The following CASZ1 variants were observed in gnomAD, a reference collection of about 807,000 sequenced individuals.
CASZ1 encodes zinc finger protein castor homolog 1.
A neutral mutation model predicts 135.2 loss-of-function variants in CASZ1; 28 were observed. The ratio of observed to expected loss-of-function variants is 0.21; its 90% CI spans 0.15 to 0.28. The LOEUF is 0.28. Ranked by LOEUF, CASZ1 falls within the 10% of genes least tolerant of loss-of-function variation. CASZ1 has a pLI of 1.00. For missense variants in CASZ1, 2,161 were observed against 2,453.3 expected (o/e 0.88, Z 2.52); for synonymous variants, 1,068 against 1,073.4 (o/e 0.99, Z 0.10).
chr1:10,683,116 C>T (rs1394030552), intron 4 of CASZ1, among the ~76,000 whole-genome samples: 5 of 152,348 alleles, frequency 3.3e-5, no homozygotes, highest in Middle Eastern at 3.4e-3. Flanking sequence ...CTTCCAGTTA[C>T]AATCGGATCA....
rs1295261090 is a variant in CASZ1, at chr1:10,697,597, C to T, written c.-23-3685G>A. On this transcript the variant is annotated intron_variant, in intron 3 of 20. Transcript: ENST00000377022. The surrounding 1 kb of genome is among the most constrained non-coding windows in gnomAD (Gnocchi z 4.7). ...CTATCGCTGGTTCCTGTTACCCCCC[C>T]CGCACCCCCAAGTTGCCCACCTACA... 1.3e-5 allele frequency among the ~76,000 whole-genome samples: 2 copies of T among 151,810 alleles called. No homozygotes were observed. The highest frequency in any genetic ancestry group is 2.9e-5 in the Non-Finnish European group (2 of 67,968).
intron 1 of CASZ1, among the ~76,000 whole-genome samples, chr1:10,775,202 C>T (rs1267570291): frequency 2.0e-5 from 3 of 152,048 alleles, no homozygotes; most frequent in East Asian, 1.9e-4. Flanking sequence ...CCATTGCTGC[C>T]GATAATTTTT....
At position 10,711,024 on chromosome 1, in the gene CASZ1, G is replaced by A. The variant is rs571602551; in HGVS notation, c.-76-5480C>T. ...TGCACGCCTGTAATCCCAGCTACTC[G>A]GGAGGCTGAGGCGTGAGAATCATTT... On this transcript the variant is annotated intron_variant, in intron 2 of 20. Coordinates refer to ENST00000377022, the MANE Select transcript of CASZ1 (RefSeq NM_001079843.3). This position sits in a 1 kb window ranked among gnomAD's most constrained non-coding sequence, Gnocchi z 4.4. Among the ~76,000 whole-genome samples the A allele has an allele frequency of 6.7e-4, 102 of 152,322 alleles. No homozygotes were observed. The highest frequency in any genetic ancestry group is 2.9e-3 in the Admixed American group (45 of 15,296).
intron 3 of CASZ1, among the ~76,000 whole-genome samples, chr1:10,698,521 A>C (rs1441550062): frequency 6.6e-6 from 1 of 151,788 alleles, no homozygotes; most frequent in African/African-American, 2.4e-5. Context: ...AATTGAAACC[A>C]AAAAAATTGC....
intron 4 of CASZ1, among the ~76,000 whole-genome samples, chr1:10,667,338 GGGTCTTCTCAGCCCACTCCCA>G (rs948791521): frequency 2.6e-5 from 4 of 152,202 alleles, no homozygotes; most frequent in Non-Finnish European, 5.9e-5. Flanking sequence ...TGCCAGAGAA[GGGTCTTCTCAGCCCACTCCCA>G]GGCCTTCCAG....
intron 1 of CASZ1, among the ~76,000 whole-genome samples, chr1:10,781,689 G>C (rs973743956): frequency 2.0e-5 from 3 of 152,172 alleles, no homozygotes; most frequent in African/African-American, 7.2e-5. Flanking sequence ...CTGCCTTCAT[G>C]ATGACAGATG....
Position 10,755,292 on chromosome 1 carries a change from G to A in CASZ1, c.-77+5409C>T, listed in dbSNP as rs539625782. Among the ~76,000 whole-genome samples the A allele has an allele frequency of 4.6e-5, 7 of 152,328 alleles. No homozygotes were observed. In the South Asian group the frequency reaches 1.0e-3, roughly 23 times the overall value. On this transcript the variant is annotated intron_variant, in intron 2 of 20. Coordinates refer to ENST00000377022, the MANE Select transcript of CASZ1 (RefSeq NM_001079843.3). This position sits in a 1 kb window ranked among gnomAD's most constrained non-coding sequence, Gnocchi z 4.3. ...AAAAGCACATGGGGGAACCTGGCAG[G>A]AGACCGGAGAGGAGGAGCTTGAAGG...
rs982423686 is a variant in CASZ1, at chr1:10,646,019, G to C, written c.3696+109C>G. 7.6e-6 allele frequency: 8 copies of C among 1,057,050 alleles called. No individual in the cohort carries two copies. The highest frequency in any genetic ancestry group is 2.0e-5 in the Admixed American group (1 of 50,532). 65.5% of individuals were successfully genotyped at this position (1,057,050 alleles called of 1,614,324 possible). A position where few individuals can be genotyped will look rare whatever the true frequency, so the allele number is the denominator to read the frequency against. On this transcript the variant is annotated intron_variant, in intron 17 of 20. Coordinates refer to ENST00000377022, the MANE Select transcript of CASZ1 (RefSeq NM_001079843.3). This position sits in a 1 kb window ranked among gnomAD's most constrained non-coding sequence, Gnocchi z 6.4. ...CCGGGAGGCCCATTTAAATAAGCAA[G>C]GTGTGAGAAATGGAGCCTCTGCCAG...
chr1:10,792,673 T>C (rs1640983309), intron 1 of CASZ1, among the ~76,000 whole-genome samples: 1 of 151,300 alleles, frequency 6.6e-6, no homozygotes, highest in Admixed American at 6.6e-5. Context: ...CTTAATTCAC[T>C]GCACCGCCTC....
At position 10,642,950 on chromosome 1, in the gene CASZ1, A is replaced by T; in HGVS notation, c.4071T>A (p.Thr1357=). The T allele has an allele frequency of 6.2e-7, 1 of 1,613,084 alleles. No individual in the cohort carries two copies. The highest frequency in any genetic ancestry group is 2.2e-5 in the East Asian group (1 of 44,878). ...DAETDECMDY[T]GCSPGAMSSE... ...AGGACATGGCGCCTGGGCTGCAGCCAGTGTAGTCCATGCACTCATCTGTCT... is the reference window on the plus strand; with the variant it reads ...AGGACATGGCGCCTGGGCTGCAGCCTGTGTAGTCCATGCACTCATCTGTCT... Residue 1357 remains threonine, a synonymous_variant, in exon 20 of 21, where the codon ACT becomes ACA. Transcript: ENST00000377022.
At chr1:10,702,060 G>T (rs1263766792) in intron 3 of CASZ1, among the ~76,000 whole-genome samples, 1 of 152,212 alleles carries the variant, frequency 6.6e-6, no homozygotes, top group Non-Finnish European at 1.5e-5. Context: ...ATGGGAAATA[G>T]AGACTCCGAG....
chr1:10,660,563 C>T (rs1450220605), intron 5 of CASZ1, 27 bp from the exon 6 acceptor site: 3 of 1,590,306 alleles, frequency 1.9e-6, no homozygotes, highest in Admixed American at 1.7e-5. Context: ...GGGCGCATCA[C>T]CTCTGGGAGG....
At chr1:10,753,558 G>A (rs867043284) in intron 2 of CASZ1, among the ~76,000 whole-genome samples, 3 of 152,178 alleles carry the variant, frequency 2.0e-5, no homozygotes, top group Admixed American at 6.5e-5. Flanking sequence ...AAAGCGGATC[G>A]GTCCTGGAAC....
chr1:10,727,237 G>A lies in CASZ1; in HGVS notation c.-76-21693C>T, dbSNP rs1371566995. ...CTGTGGGAAGCTGGGAGACCAGGGC[G>A]TCTTGCAGGCAGGGGCTGCAGAGCC... On this transcript the variant is annotated intron_variant, in intron 2 of 20. Transcript: ENST00000377022. This position sits in a 1 kb window ranked among gnomAD's most constrained non-coding sequence, Gnocchi z 5.3. Among the ~76,000 whole-genome samples the A allele has an allele frequency of 6.6e-6, 1 of 152,072 alleles. No homozygotes were observed. The highest frequency in any genetic ancestry group is 1.5e-5 in the Non-Finnish European group (1 of 68,000).
rs1308437420 is a variant in CASZ1 at position 10,727,161 on chromosome 1, GA to G, written c.-76-21618del. ...GGAAACAGCCTGGAGAAGGAAGAGG[GA>G]AAAGGGAGAGGTGGCCAGGGGTAGG... On this transcript the variant is annotated intron_variant, in intron 2 of 20. Transcript: ENST00000377022. The surrounding 1 kb of genome is among the most constrained non-coding windows in gnomAD (Gnocchi z 5.3). Among the ~76,000 whole-genome samples the G allele has an allele frequency of 6.6e-6, 1 of 152,022 alleles. No individual in the cohort carries two copies. The highest frequency in any genetic ancestry group is 1.5e-5 in the Non-Finnish European group (1 of 67,994).
At chr1:10,693,181 C>T (rs1449577152) in intron 4 of CASZ1, among the ~76,000 whole-genome samples, 1 of 152,072 alleles carries the variant, frequency 6.6e-6, no homozygotes, top group African/African-American at 2.4e-5. Flanking sequence ...TCTGTCTGGT[C>T]CATCACCACC....
rs768154330 is a variant in CASZ1, at chr1:10,649,424, T to C, written c.2894A>G (p.Asn965Ser). Reference protein sequence around the residue: ...SSLMNKMSQGNPGLGSLLNIK... With the variant: ...SSLMNKMSQGSPGLGSLLNIK... ...GTTCAGCAGGCTGCCCAGGCCAGGG[T>C]TGCCCTGAGACATCTGTGAGGGACA... The change falls in exon 14 of 21, where the codon AAC becomes AGC. Residue 965 changes from asparagine (N) to serine (S), a missense_variant. Physicochemically the swap from Asn to Ser is conservative, Grantham distance 46. Around this residue, in one of 7 missense-constraint regions of CASZ1, gnomAD observed 406 missense variants for 387.6 expected, o/e 1.05. Coordinates refer to ENST00000377022, the MANE Select transcript of CASZ1 (RefSeq NM_001079843.3). 4.0e-5 allele frequency: 65 copies of C among 1,609,778 alleles called. No individual in the cohort carries two copies. Among genetic ancestry groups the C allele is most frequent in the Non-Finnish European group, 4.8e-5 (57 of 1,178,204 alleles).
chr1:10,643,342 C>T, intron 18 of CASZ1, 31 bp from the exon 19 acceptor site: 2 of 1,609,544 alleles, frequency 1.2e-6, no homozygotes, highest in Non-Finnish European at 1.7e-6. Flanking sequence ...GGCATGAGCC[C>T]CCAGCTGGCC....
chr1:10,677,534 G>A (rs1304891212), intron 4 of CASZ1, among the ~76,000 whole-genome samples: 5 of 152,222 alleles, frequency 3.3e-5, no homozygotes, highest in African/African-American at 1.2e-4. Context: ...CTGCACTTAG[G>A]TCCAACGCAC....
Sources: gnomAD v4.1 joint callset for allele counts (sites outside exome capture counted in the v4.1 genomes callset) on GRCh38, gnomAD v4.1.1 for gene constraint, gnomAD v4.1.1 regional missense constraint, Gnocchi (gnomAD v3.1) non-coding constraint, MANE v1.5 for transcripts, NCBI Gene and HGNC (gene_info 2026-07-23, HGNC 2026-07-21) for gene names.